GNA14: variants seen among roughly 807,000 people sequenced by gnomAD.
The protein encoded by GNA14 is guanine nucleotide-binding protein subunit alpha-14.
Under a neutral mutation model 42.0 loss-of-function variants are expected in GNA14, and 50 were observed. The ratio of observed to expected loss-of-function variants is 1.19; its 90% CI spans 0.95 to 1.51. The LOEUF (loss-of-function observed/expected upper bound fraction) is 1.51. Among genes scored for constraint, GNA14 ranks in the 40% most tolerant of loss-of-function variants. The pLI, the probability that GNA14 is intolerant of heterozygous loss-of-function variation, is 0.00. For synonymous variants in GNA14, 173 were observed against 163.1 expected (o/e 1.06, Z -0.46); for missense variants, 473 against 446.2 (o/e 1.06, Z -0.54).
chr9:77,527,450 A>G (rs1837457977), intron 2 of GNA14, among the ~76,000 whole-genome samples: 1 of 152,170 alleles, frequency 6.6e-6, no homozygotes, highest in Non-Finnish European at 1.5e-5. Context: ...ATGCAGCCCA[A>G]TGCAAATTCA....
chr9:77,620,848 CAAAAAAAAA>C (rs35141766), intron 1 of GNA14, among the ~76,000 whole-genome samples: 1 of 74,044 alleles, frequency 1.4e-5, no homozygotes, highest in African/African-American at 4.8e-5. Flanking sequence ...AATCTTGTCT[CAAAAAAAAA>C]AAAAAAAAAA....
chr9:77,499,850 AAAATAAAT>A (rs372910074), intron 2 of GNA14, among the ~76,000 whole-genome samples: 6 of 151,664 alleles, frequency 4.0e-5, no homozygotes, highest in Admixed American at 1.3e-4. Context: ...ACTGTCTCAA[AAAATAAAT>A]AAATAAATAA....
chr9:77,450,908 C>T (rs1290921802), intron 2 of GNA14, among the ~76,000 whole-genome samples: 1 of 152,120 alleles, frequency 6.6e-6, no homozygotes, highest in Non-Finnish European at 1.5e-5. Flanking sequence ...CCTGCACACA[C>T]TGTCTTGCCT....
At chr9:77,514,895 G>A (rs999984186) in intron 2 of GNA14, among the ~76,000 whole-genome samples, 2 of 152,190 alleles carry the variant, frequency 1.3e-5, no homozygotes, top group Non-Finnish European at 2.9e-5. Flanking sequence ...TTACAGGCAT[G>A]AGCCACTGCG....
intron 6 of GNA14, 59 bp from the exon 7 acceptor site, chr9:77,424,228 G>T: frequency 8.0e-7 from 1 of 1,249,084 alleles, no homozygotes; most frequent in South Asian, 1.5e-5. Flanking sequence ...GTCCTCCCAA[G>T]AACCTTTTTT....
chr9:77,469,595 A>C (rs982787928), intron 2 of GNA14, among the ~76,000 whole-genome samples: 2 of 151,956 alleles, frequency 1.3e-5, no homozygotes, highest in Non-Finnish European at 2.9e-5. Context: ...GGACAACCCT[A>C]ACTTCCCAGA....
chr9:77,438,213 A>G (rs1835669761), intron 2 of GNA14, among the ~76,000 whole-genome samples: 1 of 152,046 alleles, frequency 6.6e-6, no homozygotes, highest in African/African-American at 2.4e-5. Flanking sequence ...ACCTGAGAGG[A>G]CCAGAAGTAC....
Position 77,425,525 on chromosome 9 carries a change from C to G in GNA14, c.877+37G>C. The G allele has an allele frequency of 2.0e-6, 3 of 1,524,894 alleles. 1 individual carries two copies. The highest frequency in any genetic ancestry group is 2.5e-5 in the South Asian group (2 of 80,540). 94.5% of individuals were successfully genotyped at this position (1,524,894 alleles called of 1,614,324 possible). ...CTGATGCCCGGGAGGTGGACGAGAT[C>G]AGCACAGAAAACACTGTCCACAAGA... On this transcript the variant is annotated intron_variant, in intron 6 of 6. Transcript: ENST00000341700.
At chr9:77,629,960 G>A (rs1209510321) in intron 1 of GNA14, among the ~76,000 whole-genome samples, 2 of 151,948 alleles carry the variant, frequency 1.3e-5, no homozygotes, top group Non-Finnish European at 2.9e-5. Flanking sequence ...CCTTATTTAT[G>A]GTATTTAAAT....
At chr9:77,588,001 C>T (rs1411197861) in intron 1 of GNA14, among the ~76,000 whole-genome samples, 1 of 152,178 alleles carries the variant, frequency 6.6e-6, no homozygotes, top group Non-Finnish European at 1.5e-5. Flanking sequence ...TCTTCAAAGC[C>T]AGCAGTGACT....
chr9:77,546,851 T>C (rs553649535), intron 1 of GNA14, among the ~76,000 whole-genome samples: 125 of 152,316 alleles, frequency 8.2e-4, no homozygotes, highest in African/African-American at 2.9e-3. Context: ...CTCTCCAGGA[T>C]GGGTTAAAAT....
chr9:77,570,195 C>T (rs1823040034), intron 1 of GNA14, among the ~76,000 whole-genome samples: 1 of 152,146 alleles, frequency 6.6e-6, no homozygotes, highest in African/African-American at 2.4e-5. Flanking sequence ...AATTCTAACA[C>T]CATTTCCCCC....
At chr9:77,460,048 C>T (rs58102691) in intron 2 of GNA14, among the ~76,000 whole-genome samples, 1,923 of 152,282 alleles carry the variant, frequency 0.013, 55 homozygotes, top group African/African-American at 0.043. Context: ...CTCCCATCCT[C>T]CAAACCTCCC....
intron 2 of GNA14, among the ~76,000 whole-genome samples, chr9:77,528,014 GC>G (rs1467015497): frequency 2.0e-5 from 3 of 152,184 alleles, no homozygotes; most frequent in Admixed American, 6.5e-5. Flanking sequence ...CTTCAGGACT[GC>G]AAGGAAATGA....
At chr9:77,439,646 AATAATG>A (rs141794296) in intron 2 of GNA14, among the ~76,000 whole-genome samples, 5,032 of 152,248 alleles carry the variant, frequency 0.033, 106 homozygotes, top group Middle Eastern at 0.054. Context: ...CAAAAATAAT[AATAATG>A]ATGATGACCC....
chr9:77,464,377 G>GTGTA (rs1554689657), intron 2 of GNA14, among the ~76,000 whole-genome samples: 120 of 150,526 alleles, frequency 8.0e-4, no homozygotes, highest in African/African-American at 2.8e-3. Flanking sequence ...GTGTGTGTGT[G>GTGTA]TGTGTGTGTG....
intron 1 of GNA14, among the ~76,000 whole-genome samples, chr9:77,591,918 G>GTTTT (rs10663673): frequency 7.1e-6 from 1 of 140,274 alleles, no homozygotes; most frequent in African/African-American, 2.6e-5. Flanking sequence ...TTGTTTTTTG[G>GTTTT]TTTTTTTTTT....
chr9:77,544,248 G>A (rs948159586), intron 1 of GNA14, among the ~76,000 whole-genome samples: 11 of 152,090 alleles, frequency 7.2e-5, no homozygotes, highest in African/African-American at 2.7e-4. Context: ...GCTTATTAGG[G>A]ACAAAATTCT....
At chr9:77,564,359 G>T (rs1450923000) in intron 1 of GNA14, among the ~76,000 whole-genome samples, 2 of 151,660 alleles carry the variant, frequency 1.3e-5, no homozygotes, top group Admixed American at 1.3e-4. Context: ...CCAGGCTGGA[G>T]TGCAGTGTCA....
Sources: gnomAD v4.1 joint callset for allele counts (sites outside exome capture counted in the v4.1 genomes callset) on GRCh38, gnomAD v4.1.1 for gene constraint, MANE v1.5 for transcripts, NCBI Gene and HGNC (gene_info 2026-07-23, HGNC 2026-07-21) for gene names.